MSH3: variants seen among roughly 807,000 people sequenced by gnomAD.
The protein encoded by MSH3 is DNA mismatch repair protein Msh3.
Under a neutral mutation model 123.3 loss-of-function variants are expected in MSH3, and 106 were observed. That is an observed-to-expected ratio of 0.86 (90% CI 0.73 to 1.01). The LOEUF (loss-of-function observed/expected upper bound fraction) is 1.01. Among genes scored for constraint, MSH3 ranks in the 50% least tolerant of loss-of-function variants. MSH3 has a pLI of 0.00. For synonymous variants in MSH3, 515 were observed against 481.4 expected, an observed-to-expected ratio of 1.07 and a Z score of -0.91; for missense variants, 1,459 against 1,347.6, an observed-to-expected ratio of 1.08 and a Z score of -1.29.
In MSH3 at chr5:80,768,885, T is replaced by C. The variant is rs369015749; in HGVS notation, c.2135T>C (p.Ile712Thr). The change falls in exon 15 of 24, where the codon ATA becomes ACA. Residue 712 changes from isoleucine (I) to threonine (T), a missense_variant. Coordinates refer to ENST00000265081, the MANE Select transcript of MSH3 (RefSeq NM_002439.5). ...LFKDLSDFPL[I>T]KKRKDEIQGV... ...AAAGACCTTTCTGACTTCCCTTTAA[T>C]AAAAAAGAGGAAGGATGAAATTCAA... 1.6e-5 allele frequency: 25 copies of C among 1,611,822 alleles called. No homozygotes were observed. Among genetic ancestry groups the C allele is most frequent in the Non-Finnish European group, 1.9e-5 (22 of 1,178,394 alleles).
chr5:80,784,984 A>G (rs1464394743), intron 17 of MSH3, among the ~76,000 whole-genome samples: 1 of 152,244 alleles, frequency 6.6e-6, no homozygotes, highest in East Asian at 1.9e-4. Flanking sequence ...TTTATGTACA[A>G]TACCTTATTC....
intron 4 of MSH3, among the ~76,000 whole-genome samples, chr5:80,671,819 A>G (rs567460487): frequency 1.3e-5 from 2 of 152,206 alleles, no homozygotes; most frequent in South Asian, 2.1e-4. Context: ...TACTTTTTCA[A>G]TGATTTCTCT....
intron 11 of MSH3, 119 bp from the exon 12 acceptor site, chr5:80,744,387 A>T: frequency 1.4e-6 from 1 of 703,668 alleles, no homozygotes; most frequent in Non-Finnish European, 2.6e-6. Context: ...TTAAATGAAC[A>T]CCTGTTATGA....
rs778936264 is a variant in MSH3 at position 80,864,970 on chromosome 5, A to G, written c.3130+28A>G. On this transcript the variant is annotated intron_variant, in intron 22 of 23. Coordinates refer to ENST00000265081, the MANE Select transcript of MSH3 (RefSeq NM_002439.5). ...ATGAAATATTCCTGCAGTTGGTACAAATATTGGTTTTCATGTTTGATAACT... is the reference window on the plus strand; with the variant it reads ...ATGAAATATTCCTGCAGTTGGTACAGATATTGGTTTTCATGTTTGATAACT... 1.7e-5 allele frequency: 27 copies of G among 1,612,298 alleles called. No homozygotes were observed. The East Asian group carries it at 6.0e-4, about 36-fold the overall frequency.
chr5:80,702,375 C>T (rs144748602), intron 8 of MSH3, among the ~76,000 whole-genome samples: 4 of 152,312 alleles, frequency 2.6e-5, no homozygotes, highest in Non-Finnish European at 5.9e-5. Context: ...GAGAAGAATG[C>T]ATGATGAGTG....
chr5:80,738,721 T>G (rs1743558286), intron 10 of MSH3, among the ~76,000 whole-genome samples: 1 of 152,208 alleles, frequency 6.6e-6, no homozygotes, highest in Admixed American at 6.5e-5. Flanking sequence ...TTGTGGTTTC[T>G]TGATTAGTCT....
intron 20 of MSH3, among the ~76,000 whole-genome samples, chr5:80,850,331 C>A (rs1425101990): frequency 6.6e-6 from 1 of 152,192 alleles, no homozygotes; most frequent in African/African-American, 2.4e-5. Context: ...TCCAAAGTTG[C>A]CTCCACTTTT....
rs1270579110 is a variant in MSH3, at chr5:80,862,910, TATA to T, written c.3001-1895_3001-1893del. 2.6e-5 allele frequency among the ~76,000 whole-genome samples: 4 copies of T among 152,322 alleles called. No individual in the cohort carries two copies. In the East Asian group the frequency reaches 7.7e-4, roughly 29 times the overall value. On this transcript the variant is annotated intron_variant, in intron 21 of 23. Transcript: ENST00000265081. Reference sequence around the variant, plus strand: ...TTTTTAATCAACATTTAATAACGACTATAATAATAACTGATTCAGACAGCAATG... The same window carrying T: ...TTTTTAATCAACATTTAATAACGACTATAATAACTGATTCAGACAGCAATG...
chr5:80,776,835 G>T (rs1054116830), intron 16 of MSH3, among the ~76,000 whole-genome samples: 7 of 148,452 alleles, frequency 4.7e-5, no homozygotes, highest in Non-Finnish European at 7.4e-5. Context: ...GGGAAATTTT[G>T]ACATAATGTG....
intron 8 of MSH3, among the ~76,000 whole-genome samples, chr5:80,713,725 G>A (rs1211793660): frequency 3.3e-5 from 5 of 152,122 alleles, no homozygotes; most frequent in Admixed American, 3.3e-4. Flanking sequence ...ACATGTCTTT[G>A]GAGCAGATTT....
intron 22 of MSH3, among the ~76,000 whole-genome samples, chr5:80,866,582 G>T (rs562207491): frequency 6.6e-6 from 1 of 152,246 alleles, no homozygotes; most frequent in African/African-American, 2.4e-5. Flanking sequence ...CCTTTCTGTT[G>T]TATTTCTAAG....
At chr5:80,671,214 A>G (rs975871263) in intron 4 of MSH3, among the ~76,000 whole-genome samples, 1 of 152,190 alleles carries the variant, frequency 6.6e-6, no homozygotes, top group Admixed American at 6.5e-5. Flanking sequence ...TGAACATTTC[A>G]TAGGCAAACT....
At chr5:80,725,776 G>A (rs998725155) in intron 9 of MSH3, among the ~76,000 whole-genome samples, 2 of 152,172 alleles carry the variant, frequency 1.3e-5, no homozygotes, top group Non-Finnish European at 2.9e-5. Flanking sequence ...CCTGAGCCCA[G>A]GAGTTCGAGG....
At chr5:80,847,433 A>G (rs1015667767) in intron 20 of MSH3, among the ~76,000 whole-genome samples, 3 of 149,542 alleles carry the variant, frequency 2.0e-5, no homozygotes, top group African/African-American at 4.9e-5. Flanking sequence ...TTTTAGTTTT[A>G]GAAAGCCTCA....
chr5:80,719,044 A>C (rs1484669711), intron 8 of MSH3, among the ~76,000 whole-genome samples: 3 of 151,520 alleles, frequency 2.0e-5, no homozygotes, highest in Non-Finnish European at 4.4e-5. Context: ...TTAGTAGGAA[A>C]TGGTATTTTT....
intron 4 of MSH3, among the ~76,000 whole-genome samples, chr5:80,670,716 A>G (rs1171274451): frequency 2.0e-5 from 3 of 152,348 alleles, no homozygotes; most frequent in South Asian, 2.1e-4. Flanking sequence ...ATAGCCAGGA[A>G]CAAAGTTAAG....
intron 15 of MSH3, 63 bp downstream of exon 15, chr5:80,769,066 T>C (rs950585623): frequency 2.1e-6 from 3 of 1,443,868 alleles, no homozygotes; most frequent in African/African-American, 2.8e-5. Context: ...TATTTTAAAA[T>C]GTAAATAGAA....
At chr5:80,866,774 C>G (rs55742039) in intron 22 of MSH3, among the ~76,000 whole-genome samples, 5,564 of 152,214 alleles carry the variant, frequency 0.037, 136 homozygotes, top group Middle Eastern at 0.058. Flanking sequence ...CTAAATATTG[C>G]TTACTGATGA....
rs150760023 is a variant in MSH3, at chr5:80,854,303, A to G, written c.2987A>G (p.Tyr996Cys). ...GCCATTGCCTATGCTACACTTGAGT[A>G]TTTCATCAGAGATGTAAGTATCCGG... ...GIAIAYATLE[Y>C]FIRDVKSLTL... Residue 996 changes from tyrosine to cysteine, a missense_variant, in exon 21 of 24, where the codon TAT becomes TGT. Tyr to Cys is a radical substitution (Grantham distance 194). Transcript: ENST00000265081. 56 of 1,613,504 alleles carry G rather than the reference A, an allele frequency of 3.5e-5. No homozygotes were observed. Among genetic ancestry groups the G allele is most frequent in the Non-Finnish European group, 4.7e-5 (55 of 1,179,626 alleles).
Sources: allele counts gnomAD v4.1 joint callset (sites outside exome capture counted in the v4.1 genomes callset), GRCh38; gene constraint gnomAD v4.1.1; transcripts MANE v1.5; gene names NCBI Gene and HGNC (gene_info 2026-07-23, HGNC 2026-07-21).